The following STT3A variants were observed in gnomAD, a reference collection of about 807,000 sequenced individuals.
The protein encoded by STT3A is dolichyl-diphosphooligosaccharide--protein glycosyltransferase subunit STT3A.
In STT3A, 34 loss-of-function variants were observed where a neutral mutation model predicts 89.2. The ratio of observed to expected loss-of-function variants is 0.38; its 90% CI spans 0.29 to 0.51. STT3A has a LOEUF of 0.51. STT3A is among the 20% of genes least tolerant of loss of function. The pLI is 0.89. For missense variants in STT3A, 555 were observed against 889.5 expected (o/e 0.62, Z 4.78); for synonymous variants, 282 against 310.3 (o/e 0.91, Z 0.96).
intron 2 of STT3A, among the ~76,000 whole-genome samples, chr11:125,596,670 A>G (rs949039538): frequency 1.3e-5 from 2 of 152,174 alleles, no homozygotes; most frequent in Non-Finnish European, 2.9e-5. Flanking sequence ...CTGGCTCTTC[A>G]TGAGTCCTAG....
chr11:125,609,340 G>A, intron 9 of STT3A, 94 bp from the exon 10 acceptor site: 1 of 1,453,650 alleles, frequency 6.9e-7, no homozygotes, highest in Non-Finnish European at 9.2e-7. Context: ...CTCTGTCACT[G>A]AGAATCTTAT....
intron 1 of STT3A, chr11:125,593,682 T>C (rs1444241861): frequency 1.3e-5 from 2 of 152,374 alleles, no homozygotes; most frequent in Admixed American, 6.5e-5. Context: ...ATGGCTGGAT[T>C]GTTGACCTCC....
At chr11:125,615,489 G>GA (rs965690651) in intron 15 of STT3A, among the ~76,000 whole-genome samples, 1 of 151,116 alleles carries the variant, frequency 6.6e-6, no homozygotes, top group Non-Finnish European at 1.5e-5. Flanking sequence ...AAATATTTGT[G>GA]AAAAAAAATC....
intron 8 of STT3A, 125 bp from the exon 9 acceptor site, chr11:125,607,984 A>T: frequency 9.9e-7 from 1 of 1,009,116 alleles, no homozygotes; most frequent in Non-Finnish European, 1.4e-6. Flanking sequence ...ATTGGCCCTG[A>T]TTCCTTCGGG....
In STT3A at chr11:125,602,327, G is replaced by C. The variant is rs1393305367; in HGVS notation, c.174G>C (p.Arg58Ser). The change falls in exon 4 of 18, where the codon AGG becomes AGC. Residue 58 changes from arginine (R) to serine (S), a missense_variant. Coordinates refer to ENST00000392708, the MANE Select transcript of STT3A (RefSeq NM_152713.5). ...FDPYFNYRTT[R>S]FLAEEGFYKF... ...GGTACTTTAATTATCGGACTACCAG[G>C]TTCCTGGCTGAGGAGGGGTTTTATA... is the stretch of plus-strand genomic sequence containing the variant. 1 of 1,613,770 alleles carries C rather than the reference G, an allele frequency of 6.2e-7. No individual in the cohort carries two copies.
intron 16 of STT3A, among the ~76,000 whole-genome samples, chr11:125,619,299 A>G (rs1940276469): frequency 6.6e-6 from 1 of 151,806 alleles, no homozygotes; most frequent in Non-Finnish European, 1.5e-5. Context: ...ACCTCAAGTA[A>G]TCCACCCACC....
chr11:125,596,892 C>A (rs1175831608), intron 2 of STT3A, among the ~76,000 whole-genome samples, 167 bp from the exon 3 acceptor site: 2 of 152,208 alleles, frequency 1.3e-5, no homozygotes, highest in African/African-American at 4.8e-5. Context: ...AAGTAAACTT[C>A]TCTTGTTTCC....
intron 6 of STT3A, among the ~76,000 whole-genome samples, chr11:125,604,979 A>G (rs1357110452): frequency 6.6e-6 from 1 of 152,152 alleles, no homozygotes; most frequent in Non-Finnish European, 1.5e-5. Flanking sequence ...GTGTGCGCCT[A>G]TAGTCCCAGC....
Position 125,622,913 on chromosome 11 carries a change from C to T in STT3A, c.*2103C>T, listed in dbSNP as rs1247715110. 1 of 152,028 alleles carries T rather than the reference C, an allele frequency of 6.6e-6. No homozygotes were observed. The highest frequency in any genetic ancestry group is 2.4e-5 in the African/African-American group (1 of 41,374). The allele number at this position is 152,028 out of a possible 1,614,324, so 9.4% of individuals were successfully genotyped here. ...GCAACGTGGGAAAACTCTGTCTCTA[C>T]TAAAAATACAAAAATTAGCTGGGTG... On this transcript the variant is annotated 3_prime_UTR_variant, in exon 18 of 18. Coordinates refer to ENST00000392708, the MANE Select transcript of STT3A (RefSeq NM_152713.5).
chr11:125,602,168 G>C, intron 3 of STT3A, 135 bp from the exon 4 acceptor site: 2 of 1,009,264 alleles, frequency 2.0e-6, no homozygotes, highest in Non-Finnish European at 2.9e-6. Flanking sequence ...ACTTATGGTA[G>C]TGTAAAATGA....
chr11:125,595,928 G>A lies in STT3A; in HGVS notation c.13G>A (p.Gly5Arg). The change falls in exon 2 of 18, where the codon GGA (glycine) becomes AGA (arginine). Residue 5 changes from glycine (G) to arginine (R), a missense_variant. Gly to Arg is a moderately radical substitution (Grantham distance 125). Transcript: ENST00000392708. ...CATTCATGTCAAGATGACTAAGTTT[G>A]GATTTTTGCGATTGTCCTATGAGAA... is the stretch of plus-strand genomic sequence containing the variant. Reference protein sequence around the residue: MTKFGFLRLSYEKQD... With the variant: MTKFRFLRLSYEKQD... 6.2e-7 allele frequency: 1 copy of A among 1,613,298 alleles called. No individual in the cohort carries two copies. The highest frequency in any genetic ancestry group is 8.5e-7 in the Non-Finnish European group (1 of 1,179,616).
Position 125,614,334 on chromosome 11 carries a change from C to T in STT3A, c.1682C>T (p.Ser561Phe). The T allele has an allele frequency of 1.2e-6, 2 of 1,614,058 alleles. No homozygotes were observed. The highest frequency in any genetic ancestry group is 3.3e-5 in the Admixed American group (2 of 60,012). The change falls in exon 15 of 18, where the codon TCC becomes TTC. Residue 561 changes from serine to phenylalanine, a missense_variant. This residue lies in a region of STT3A where 273 missense variants were observed against 449.8 expected (regional missense o/e 0.61). Transcript: ENST00000392708. This position sits in a 1 kb window ranked among gnomAD's most constrained non-coding sequence, Gnocchi z 4.9. ...CATTTGTTTTTCCAGGCAATGGCGT[C>T]CACAGAGGAAAAAGCCTATGAGATC... ...HISRVGQAMASTEEKAYEIMR... is the reference protein window; with the variant it reads ...HISRVGQAMAFTEEKAYEIMR...
chr11:125,615,463 A>G (rs1940152271), intron 15 of STT3A, among the ~76,000 whole-genome samples: 1 of 151,986 alleles, frequency 6.6e-6, no homozygotes, highest in African/African-American at 2.4e-5. Context: ...TGTGGGTTCA[A>G]CCAACCACAA....
intron 1 of STT3A, among the ~76,000 whole-genome samples, chr11:125,594,623 C>T (rs1939431487): frequency 6.7e-6 from 1 of 148,168 alleles, no homozygotes; most frequent in Admixed American, 6.7e-5. Context: ...CTGTCTTATA[C>T]AAGAATAACT....
chr11:125,614,561 A>G lies in STT3A; in HGVS notation c.1774+135A>G, dbSNP rs1313745268. On this transcript the variant is annotated intron_variant, in intron 15 of 17. Coordinates refer to ENST00000392708, the MANE Select transcript of STT3A (RefSeq NM_152713.5). This position sits in a 1 kb window ranked among gnomAD's most constrained non-coding sequence, Gnocchi z 4.9. ...TCATGGGAAGTTCCTAAGTATTTGC[A>G]ACTTGAGGTTTGGGTATTTTGATTT... 1 of 855,196 alleles carries G rather than the reference A, an allele frequency of 1.2e-6. No individual in the cohort carries two copies. The highest frequency in any genetic ancestry group is 1.7e-5 in the African/African-American group (1 of 58,212). The allele number at this position is 855,196 out of a possible 1,614,324, so 53.0% of individuals were successfully genotyped here. A position where few individuals can be genotyped will look rare whatever the true frequency, so the allele number is the denominator to read the frequency against.
At chr11:125,593,739 T>C (rs962317638) in intron 1 of STT3A, 1 of 152,200 alleles carries the variant, frequency 6.6e-6, no homozygotes, top group African/African-American at 2.4e-5. Flanking sequence ...AGCTTTCCCT[T>C]TGGGACTATA....
At position 125,612,902 on chromosome 11, in the gene STT3A, A is replaced by C. The variant is rs986904928; in HGVS notation, c.1366-87A>C. ...CCTCTGACTTATTTTGATCAATCTC[A>C]TCTATATGAATGTGTCTAAGAAGTT... is the stretch of plus-strand genomic sequence containing the variant. On this transcript the variant is annotated intron_variant, in intron 12 of 17. Transcript: ENST00000392708. The C allele has an allele frequency of 3.3e-6, 5 of 1,529,240 alleles. No homozygotes were observed. The African/African-American group carries it at 5.5e-5, about 17-fold the overall frequency. The allele number at this position is 1,529,240 out of a possible 1,614,324, so 94.7% of individuals were successfully genotyped here.
At chr11:125,593,144 G>A (rs1272478577) in intron 1 of STT3A, 4 of 153,082 alleles carry the variant, frequency 2.6e-5, no homozygotes, top group African/African-American at 9.7e-5. Flanking sequence ...CAGAGCGTGG[G>A]AAAGACTGGG....
At chr11:125,616,400 T>A (rs892761763) in intron 15 of STT3A, among the ~76,000 whole-genome samples, 2 of 152,230 alleles carry the variant, frequency 1.3e-5, no homozygotes, top group Admixed American at 6.5e-5. Context: ...ACAGATGCAG[T>A]CATCTGTTTT....
Sources: allele counts gnomAD v4.1 joint callset (sites outside exome capture counted in the v4.1 genomes callset), GRCh38; gene constraint gnomAD v4.1.1; regional missense constraint gnomAD v4.1.1; non-coding constraint Gnocchi (gnomAD v3.1); transcripts MANE v1.5; gene names NCBI Gene and HGNC (gene_info 2026-07-23, HGNC 2026-07-21).